Variants in MYH11 observed in about 807,000 individuals in gnomAD.
MYH11 encodes myosin-11.
A neutral mutation model predicts 246.6 loss-of-function variants in MYH11; 80 were observed. That is an observed-to-expected ratio of 0.32 (90% CI 0.27 to 0.39). MYH11 has a LOEUF of 0.39. Among genes scored for constraint, MYH11 ranks in the 10% least tolerant of loss-of-function variants. The pLI, the probability that MYH11 is intolerant of heterozygous loss-of-function variation, is 1.00. For missense variants in MYH11, 2,158 were observed against 2,546.8 expected (o/e 0.85, Z 3.29); for synonymous variants, 1,071 against 1,015.5 (o/e 1.05, Z -1.04).
chr16:15,737,654 G>A (rs767445105), intron 24 of MYH11, 34 bp from the exon 25 acceptor site: 20 of 1,606,444 alleles, frequency 1.2e-5, no homozygotes, highest in Middle Eastern at 3.3e-4. Context: ...AGGAAGGGGA[G>A]GCCCCAGAGA....
chr16:15,751,512 T>C (rs2041571503), intron 15 of MYH11, among the ~76,000 whole-genome samples: 1 of 151,908 alleles, frequency 6.6e-6, no homozygotes, highest in African/African-American at 2.4e-5. Flanking sequence ...AAGGTTCTTT[T>C]TCTACCAGCC....
At chr16:15,704,778 G>T (rs117760029) in intron 40 of MYH11, among the ~76,000 whole-genome samples, 1 of 152,318 alleles carries the variant, frequency 6.6e-6, no homozygotes, top group East Asian at 1.9e-4. Context: ...GGAACATACC[G>T]CACATGGCGT....
intron 40 of MYH11, among the ~76,000 whole-genome samples, chr16:15,710,461 C>T (rs1047420623): frequency 1.3e-5 from 2 of 152,142 alleles, no homozygotes; most frequent in African/African-American, 4.8e-5. Flanking sequence ...GCAAAGGTTG[C>T]AGTGAGCCGA....
intron 3 of MYH11, among the ~76,000 whole-genome samples, chr16:15,801,980 C>A (rs541000339): frequency 8.6e-5 from 13 of 151,528 alleles, no homozygotes; most frequent in South Asian, 4.2e-4. Context: ...ACAAAAAAAA[C>A]CAACAAACAG....
intron 19 of MYH11, among the ~76,000 whole-genome samples, chr16:15,745,582 C>CTTTTTTTTT (rs71981525): frequency 1.5e-4 from 14 of 94,402 alleles, no homozygotes; most frequent in African/African-American, 2.4e-4. Context: ...TTCTTTCTTT[C>CTTTTTTTTT]TTTTTTTTTT....
chr16:15,728,849 G>A (rs1232720392), intron 27 of MYH11, among the ~76,000 whole-genome samples: 3 of 151,928 alleles, frequency 2.0e-5, no homozygotes, highest in Admixed American at 6.6e-5. Context: ...GCAGTGAGCC[G>A]AGATCCCGCC....
intron 1 of MYH11, 73 bp from the exon 2 acceptor site, chr16:15,838,342 C>A: frequency 8.1e-7 from 1 of 1,231,538 alleles, no homozygotes; most frequent in Non-Finnish European, 1.2e-6. Context: ...ACTCACCTTG[C>A]CCTGTCTAGG....
rs12907 is a variant in MYH11, at chr16:15,724,796, G to A, written c.3967C>T (p.Leu1323=). The A allele has an allele frequency of 0.029, 46,990 of 1,613,774 alleles. 2,817 individuals carry two copies. The highest frequency in any genetic ancestry group is 0.26 in the African/African-American group (19,185 of 74,966). Residue 1323 remains leucine (L), a synonymous_variant, in exon 30 of 41, where the codon CTG becomes TTG. Coordinates refer to ENST00000300036, the MANE Select transcript of MYH11 (RefSeq NM_002474.3). ...TTCTGCCGGGTTTCTTCTTGAAGCA[G>A]CTCCTGCAAAAGGGATGCAAAGAGG... ...LSSQLQDTQE[L]LQEETRQKLN...
At chr16:15,812,552 A>T (rs1238046676) in intron 3 of MYH11, among the ~76,000 whole-genome samples, 5 of 15,840 alleles carry the variant, frequency 3.2e-4, no homozygotes, top group Admixed American at 1.3e-3. Context: ...TCTTATCTCT[A>T]AAAAAAAAAA....
At chr16:15,829,214 TA>T (rs1157491199) in intron 2 of MYH11, among the ~76,000 whole-genome samples, 1 of 151,944 alleles carries the variant, frequency 6.6e-6, no homozygotes, top group Non-Finnish European at 1.5e-5. Flanking sequence ...AATGAATTTT[TA>T]AAAAGAAGGA....
chr16:15,763,492 A>G (rs1435656104), intron 10 of MYH11, among the ~76,000 whole-genome samples: 1 of 152,164 alleles, frequency 6.6e-6, no homozygotes, highest in Non-Finnish European at 1.5e-5. Flanking sequence ...GTTCAAGATC[A>G]GCTTGGGCAA....
At chr16:15,716,626 A>G (rs2040163933) in intron 38 of MYH11, among the ~76,000 whole-genome samples, 1 of 152,140 alleles carries the variant, frequency 6.6e-6, no homozygotes, top group Admixed American at 6.6e-5. Flanking sequence ...CGTTGGAGTG[A>G]TTCTCCTGCC....
rs771330136 is a variant in MYH11 at position 15,724,756 on chromosome 16, G to A, written c.4007C>T (p.Thr1336Met). 12 of 1,614,130 alleles carry A rather than the reference G, an allele frequency of 7.4e-6. No homozygotes were observed. In the South Asian group the frequency reaches 7.7e-5, roughly 10 times the overall value. ...CTCCTCCTCCAGCTGGCGCAGCTTC[G>A]TAGACACGTTGAGCTTCTGCCGGGT... ...EETRQKLNVSTKLRQLEEERN... is the reference protein window; with the variant it reads ...EETRQKLNVSMKLRQLEEERN... Residue 1336 changes from threonine to methionine, a missense_variant, in exon 30 of 41, where the codon ACG (threonine) becomes ATG (methionine). Physicochemically the swap from Thr to Met is moderately conservative, Grantham distance 81. This residue lies in a region of MYH11 where 1,013 missense variants were observed against 993.5 expected (regional missense o/e 1.02). Transcript: ENST00000300036.
intron 3 of MYH11, among the ~76,000 whole-genome samples, chr16:15,800,084 G>T (rs1442989481): frequency 6.6e-6 from 1 of 151,004 alleles, no homozygotes; most frequent in African/African-American, 2.4e-5. Flanking sequence ...AGATGAGTAG[G>T]TGAGTAGGTG....
intron 1 of MYH11, among the ~76,000 whole-genome samples, chr16:15,847,432 T>G (rs7202009): frequency 0.18 from 27,978 of 151,704 alleles, 3,188 homozygotes; most frequent in East Asian, 0.43. Flanking sequence ...CTGTATTCTT[T>G]GTAGAGACGG....
intron 2 of MYH11, among the ~76,000 whole-genome samples, chr16:15,828,279 T>C (rs977600756): frequency 6.6e-6 from 1 of 152,164 alleles, no homozygotes; most frequent in African/African-American, 2.4e-5. Flanking sequence ...TGGTATGTAG[T>C]AGGTGCTCAA....
chr16:15,748,301 A>G (rs969553844), intron 16 of MYH11, 133 bp from the exon 17 acceptor site: 1 of 1,466,864 alleles, frequency 6.8e-7, no homozygotes, highest in African/African-American at 1.4e-5. Context: ...AGGAGGGCTT[A>G]GCTGAGGGCC....
At chr16:15,820,928 A>G (rs551632618) in intron 3 of MYH11, among the ~76,000 whole-genome samples, 1 of 152,320 alleles carries the variant, frequency 6.6e-6, no homozygotes, top group South Asian at 2.1e-4. Flanking sequence ...GCTGGAATGC[A>G]GTGGCGTGAT....
Position 15,745,199 on chromosome 16 carries a change from T to C in MYH11, c.2450A>G (p.Lys817Arg). The C allele has an allele frequency of 1.2e-6, 2 of 1,613,824 alleles. No homozygotes were observed. Among genetic ancestry groups the C allele is most frequent in the South Asian group, 1.1e-5 (1 of 91,070 alleles). Residue 817 changes from lysine (K) to arginine (R), a missense_variant, in exon 20 of 41, where the codon AAG (lysine) becomes AGG (arginine). Physicochemically the swap from Lys to Arg is conservative, Grantham distance 26 (BLOSUM62 2). Transcript: ENST00000300036. ...GGCGGCGCAGTTCCTCTGAATCACC[T>C]TCATGGCGGTCAGCTGCTGCTGCCT... ...AKRQQQLTAM[K>R]VIQRNCAAYL...
Sources: gnomAD v4.1 joint callset for allele counts (sites outside exome capture counted in the v4.1 genomes callset) on GRCh38, gnomAD v4.1.1 for gene constraint, gnomAD v4.1.1 regional missense constraint, MANE v1.5 for transcripts, NCBI Gene and HGNC (gene_info 2026-07-23, HGNC 2026-07-21) for gene names.